ZDBF2: variants seen among roughly 807,000 people sequenced by gnomAD.
The protein encoded by ZDBF2 is DBF4-type zinc finger-containing protein 2.
Under a neutral mutation model 9.4 loss-of-function variants are expected in ZDBF2, and 6 were observed. The ratio of observed to expected loss-of-function variants is 0.64; its 90% CI spans 0.35 to 1.27. The LOEUF (loss-of-function observed/expected upper bound fraction) is 1.27. ZDBF2 is among the 50% of genes most tolerant of loss of function. ZDBF2 has a pLI of 0.03. For missense variants in ZDBF2, 2,697 were observed against 2,766.8 expected (o/e 0.97, Z 0.57); for synonymous variants, 905 against 946.3 (o/e 0.96, Z 0.80).
intron 3 of ZDBF2, among the ~76,000 whole-genome samples, chr2:206,294,620 GT>G (rs1692073308): frequency 6.6e-6 from 1 of 152,160 alleles, no homozygotes; most frequent in African/African-American, 2.4e-5. Context: ...CTGATAGGTA[GT>G]TTTTCGAGCC....
At chr2:206,299,543 A>G (rs1692383310) in intron 4 of ZDBF2, among the ~76,000 whole-genome samples, 1 of 151,940 alleles carries the variant, frequency 6.6e-6, no homozygotes, top group Non-Finnish European at 1.5e-5. Flanking sequence ...ATGTTGGCAC[A>G]CACCCGTAGT....
At position 206,304,705 on chromosome 2, in the gene ZDBF2, C is replaced by T; in HGVS notation, c.189-12C>T. The T allele has an allele frequency of 6.3e-7, 1 of 1,586,024 alleles. No homozygotes were observed. Among genetic ancestry groups the T allele is most frequent in the Non-Finnish European group, 8.6e-7 (1 of 1,169,556 alleles). Reference sequence around the variant, plus strand: ...TAGAATATGTTTATGAGTTTCCCCCCTTTCGTTTTAGTTCAACACAAGATG... The same window carrying T: ...TAGAATATGTTTATGAGTTTCCCCCTTTTCGTTTTAGTTCAACACAAGATG... On this transcript the variant is annotated splice_polypyrimidine_tract_variant and intron_variant, in intron 4 of 4. Transcript: ENST00000374423.
In ZDBF2 at chr2:206,309,933, A is replaced by G. The variant is rs369138612; in HGVS notation, c.5405A>G (p.Lys1802Arg). 4 of 1,613,832 alleles carry G rather than the reference A, an allele frequency of 2.5e-6. No homozygotes were observed. The highest frequency in any genetic ancestry group is 2.2e-5 in the East Asian group (1 of 44,890). The change falls in exon 5 of 5, where the codon AAA (lysine) becomes AGA (arginine). Residue 1802 changes from lysine to arginine, a missense_variant. Lys to Arg is a conservative substitution (Grantham distance 26). Coordinates refer to ENST00000374423, the MANE Select transcript of ZDBF2 (RefSeq NM_020923.3). ...VLKVDSVRNL[K>R]KAKDVIEDNP... Reference sequence around the variant, plus strand: ...AAGGTTGATTCTGTAAGGAACCTGAAAAAAGCAAAGGATGTCATAGAGGAT... The same window carrying G: ...AAGGTTGATTCTGTAAGGAACCTGAGAAAAGCAAAGGATGTCATAGAGGAT...
chr2:206,291,337 A>G (rs1259141892), intron 3 of ZDBF2, among the ~76,000 whole-genome samples: 1 of 152,134 alleles, frequency 6.6e-6, no homozygotes, highest in Non-Finnish European at 1.5e-5. Flanking sequence ...TTACGCTCCT[A>G]TGAGGATCTA....
rs189142052 is a variant in ZDBF2 at position 206,303,081 on chromosome 2, T to C, written c.189-1636T>C. ...GTACAGTCCATGGTTTATTCAGACTTCTTAGTTTCTACTTAAACTAAGTTT... is the reference window on the plus strand; with the variant it reads ...GTACAGTCCATGGTTTATTCAGACTCCTTAGTTTCTACTTAAACTAAGTTT... On this transcript the variant is annotated intron_variant, in intron 4 of 4. Transcript: ENST00000374423. 3.2e-3 allele frequency among the ~76,000 whole-genome samples: 483 copies of C among 151,900 alleles called. 3 individuals are homozygous for C. The highest frequency in any genetic ancestry group is 0.011 in the African/African-American group (445 of 41,470).
At chr2:206,297,573 G>GT (rs377526781) in intron 4 of ZDBF2, among the ~76,000 whole-genome samples, 200 bp downstream of exon 4, 1 of 151,984 alleles carries the variant, frequency 6.6e-6, no homozygotes, top group African/African-American at 2.4e-5. Context: ...ACTACACTAT[G>GT]TTTTTTTCTA....
chr2:206,285,544 A>G (rs1161301583), intron 3 of ZDBF2, among the ~76,000 whole-genome samples: 1 of 152,072 alleles, frequency 6.6e-6, no homozygotes, highest in Non-Finnish European at 1.5e-5. Flanking sequence ...CCAGGTATTA[A>G]TCATCTTTTG....
rs772311005 is a variant in ZDBF2 at position 206,309,712 on chromosome 2, AC to A, written c.5185del (p.Arg1729ValfsTer4). 1.1e-5 allele frequency: 17 copies of A among 1,613,804 alleles called. No homozygotes were observed. The highest frequency in any genetic ancestry group is 2.7e-5 in the African/African-American group (2 of 74,918). The part of the protein sequence containing the change: ...ALHRRADKKK[R>X]SKLKHRDLEV... ...TCCATCGAAGGGCTGATAAAAAAAA[AC>A]GTTCGAAGCTAAAACATAGAGATCT... is the stretch of plus-strand genomic sequence containing the variant. On this transcript the variant is annotated frameshift_variant, in exon 5 of 5. Transcript: ENST00000374423. LOFTEE classifies it low-confidence loss of function (END_TRUNC).
chr2:206,310,145 A>T lies in ZDBF2; in HGVS notation c.5617A>T (p.Lys1873Ter). ...CETKKVSSKG[K>*]KKVTWADLQG... ...GACCAAAAAAGTTTCTTCGAAGGGG[A>T]AAAAAAAGGTTACCTGGGCTGACTT... The change falls in exon 5 of 5, where the codon AAA becomes TAA. Residue 1873 changes from lysine (K) to a stop codon, truncating the protein, a stop_gained. Coordinates refer to ENST00000374423, the MANE Select transcript of ZDBF2 (RefSeq NM_020923.3). LOFTEE classifies it low-confidence loss of function (END_TRUNC). The T allele has an allele frequency of 6.2e-7, 1 of 1,609,010 alleles. No individual in the cohort carries two copies. The highest frequency in any genetic ancestry group is 8.5e-7 in the Non-Finnish European group (1 of 1,178,034).
In ZDBF2 at chr2:206,297,371, C is replaced by G. The variant is rs1256587953; in HGVS notation, c.186C>G (p.Ser62Arg). Reference protein sequence around the residue: ...LQHHPYHCQESSSTQDETHVN... With the variant: ...LQHHPYHCQERSSTQDETHVN... ...ACCACCCATATCATTGTCAAGAGAG[C>G]AGGTAAAGTAGTTGATTGGAATAAT... Residue 62 changes from serine to arginine, a missense_variant and splice_region_variant, in exon 4 of 5, where the codon AGC (serine) becomes AGG (arginine). Physicochemically the swap from Ser to Arg is moderately radical, Grantham distance 110. Coordinates refer to ENST00000374423, the MANE Select transcript of ZDBF2 (RefSeq NM_020923.3). 1 of 1,610,408 alleles carries G rather than the reference C, an allele frequency of 6.2e-7. No homozygotes were observed. Among genetic ancestry groups the G allele is most frequent in the Non-Finnish European group, 8.5e-7 (1 of 1,178,648 alleles).
At chr2:206,299,429 G>C (rs576430074) in intron 4 of ZDBF2, among the ~76,000 whole-genome samples, 29 of 151,866 alleles carry the variant, frequency 1.9e-4, no homozygotes, top group African/African-American at 6.5e-4. Flanking sequence ...CCAGCACTTT[G>C]GGAGGCCAAG....
At chr2:206,291,172 G>A (rs1691874344) in intron 3 of ZDBF2, among the ~76,000 whole-genome samples, 2 of 152,112 alleles carry the variant, frequency 1.3e-5, no homozygotes, top group Non-Finnish European at 2.9e-5. Flanking sequence ...AACCTTTTTG[G>A]CACCAGGGAC....
In ZDBF2 at chr2:206,311,348, G is replaced by A; in HGVS notation, c.6820G>A (p.Val2274Ile). The change falls in exon 5 of 5, where the codon GTT (valine) becomes ATT (isoleucine). Residue 2274 changes from valine (V) to isoleucine (I), a missense_variant. Transcript: ENST00000374423. ...RTAKVLLNSS[V>I]PPAGAEELSS... is the part of the protein sequence containing the mutation. The stretch of plus-strand genomic sequence containing the variant: ...AGCTAAAGTGCTTTTGAACTCTTCA[G>A]TTCCACCAGCTGGTGCCGAAGAGCT... 6.2e-7 allele frequency: 1 copy of A among 1,604,926 alleles called. No individual in the cohort carries two copies. The highest frequency in any genetic ancestry group is 2.2e-5 in the East Asian group (1 of 44,668).
chr2:206,286,769 G>T (rs148671563), intron 3 of ZDBF2, among the ~76,000 whole-genome samples: 217 of 152,160 alleles, frequency 1.4e-3, no homozygotes, highest in Admixed American at 2.9e-3. Flanking sequence ...TTTTAAAATC[G>T]ATTCAGCCCA....
intron 4 of ZDBF2, among the ~76,000 whole-genome samples, chr2:206,302,985 ACT>A (rs1692580387): frequency 1.3e-5 from 2 of 151,946 alleles, no homozygotes; most frequent in African/African-American, 4.8e-5. Context: ...TGCCTATAAT[ACT>A]CTCTCACACA....
At position 206,310,360 on chromosome 2, in the gene ZDBF2, T is replaced by C. The variant is rs1418222580; in HGVS notation, c.5832T>C (p.His1944=). The change falls in exon 5 of 5, where the codon CAT becomes CAC. Residue 1944 remains histidine, a synonymous_variant. Coordinates refer to ENST00000374423, the MANE Select transcript of ZDBF2 (RefSeq NM_020923.3). The part of the protein sequence containing the change: ...ASQCQTAKIS[H]STQTSCKNYP... ...AATGCCAGACAGCGAAAATCAGCCA[T>C]AGTACTCAGACCAGTTGTAAGAATT... The C allele has an allele frequency of 6.2e-7, 1 of 1,613,878 alleles. No individual in the cohort carries two copies. The highest frequency in any genetic ancestry group is 8.5e-7 in the Non-Finnish European group (1 of 1,179,882).
intron 3 of ZDBF2, among the ~76,000 whole-genome samples, chr2:206,296,907 C>T (rs1459664161): frequency 5.3e-5 from 8 of 152,134 alleles, no homozygotes; most frequent in Admixed American, 2.0e-4. Flanking sequence ...TTTTAGATAG[C>T]TGCATAGTAT....
In ZDBF2 at chr2:206,306,018, A is replaced by G. The variant is rs1211477952; in HGVS notation, c.1490A>G (p.Asp497Gly). The G allele has an allele frequency of 6.2e-7, 1 of 1,613,468 alleles. No individual in the cohort carries two copies. Among genetic ancestry groups the G allele is most frequent in the African/African-American group, 1.3e-5 (1 of 75,054 alleles). Residue 497 changes from aspartate (D) to glycine (G), a missense_variant, in exon 5 of 5, where the codon GAT (aspartate) becomes GGT (glycine). Transcript: ENST00000374423. ...TCTAGTAGTTCTGAAACGAATTTTG[A>G]TTGTGATGCTTCACCTCAGTCCACT... ...YESSSSETNF[D>G]CDASPQSTSD...
chr2:206,288,837 T>C (rs1303424408), intron 3 of ZDBF2, among the ~76,000 whole-genome samples: 2 of 152,078 alleles, frequency 1.3e-5, no homozygotes, highest in Non-Finnish European at 2.9e-5. Flanking sequence ...AGGGTGTGGC[T>C]GCAGTTCAGA....
Sources: gnomAD v4.1 joint callset for allele counts (sites outside exome capture counted in the v4.1 genomes callset) on GRCh38, gnomAD v4.1.1 for gene constraint, MANE v1.5 for transcripts, NCBI Gene and HGNC (gene_info 2026-07-23, HGNC 2026-07-21) for gene names.